DLGAP1: variants seen among roughly 807,000 people sequenced by gnomAD.
DLGAP1 encodes DLG associated protein 1, also known as disks large-associated protein 1.
In DLGAP1, 11 loss-of-function variants were observed where a neutral mutation model predicts 90.8. The ratio of observed to expected loss-of-function variants is 0.12; its 90% CI spans 0.08 to 0.20. The LOEUF (loss-of-function observed/expected upper bound fraction) is 0.20. DLGAP1 is among the 10% of genes least tolerant of loss of function. DLGAP1 has a pLI of 1.00. For missense variants in DLGAP1, 1,050 were observed against 1,333.8 expected (o/e 0.79, Z 3.31); for synonymous variants, 558 against 540.7 (o/e 1.03, Z -0.44).
intron 1 of DLGAP1, among the ~76,000 whole-genome samples, chr18:4,200,898 G>A (rs781742932): frequency 1.1e-4 from 16 of 152,060 alleles, no homozygotes; most frequent in South Asian, 2.1e-4. Flanking sequence ...TATTTCAGAG[G>A]TGGGAAATAT....
chr18:4,154,926 TAAACAG>T (rs2076731452), intron 1 of DLGAP1, among the ~76,000 whole-genome samples: 1 of 151,960 alleles, frequency 6.6e-6, no homozygotes, highest in African/African-American at 2.4e-5. Context: ...TGAAGACAAA[TAAACAG>T]AAAGTAAATA....
chr18:4,054,710 T>C (rs1161337758), intron 2 of DLGAP1, among the ~76,000 whole-genome samples: 1 of 152,194 alleles, frequency 6.6e-6, no homozygotes, highest in African/African-American at 2.4e-5. Flanking sequence ...CTAATCTAAA[T>C]TGAGATTGTT....
chr18:4,316,794 T>G (rs2080539395), intron 1 of DLGAP1, among the ~76,000 whole-genome samples: 1 of 152,192 alleles, frequency 6.6e-6, no homozygotes, highest in Non-Finnish European at 1.5e-5. Flanking sequence ...TCTTCCTGAG[T>G]CCGGTTACTG....
intron 6 of DLGAP1, among the ~76,000 whole-genome samples, chr18:3,741,057 ATCACCACCACCACCAC>A (rs2062926064): frequency 9.4e-6 from 1 of 106,008 alleles, no homozygotes; most frequent in Non-Finnish European, 1.9e-5. Flanking sequence ...CACCACCACC[ATCACCACCACCACCAC>A]CACCACCATC....
chr18:3,617,865 T>A (rs754610557), intron 7 of DLGAP1, among the ~76,000 whole-genome samples: 1 of 151,594 alleles, frequency 6.6e-6, no homozygotes, highest in South Asian at 2.1e-4. Context: ...TGAAACCCCA[T>A]CACTACTAAA....
chr18:3,806,221 A>G (rs1365623066), intron 5 of DLGAP1, among the ~76,000 whole-genome samples: 1 of 152,222 alleles, frequency 6.6e-6, no homozygotes, highest in African/African-American at 2.4e-5. Flanking sequence ...TAAACAAAAC[A>G]AAACAAAAAC....
chr18:3,531,535 T>C (rs1284776848), intron 10 of DLGAP1, among the ~76,000 whole-genome samples: 1 of 152,128 alleles, frequency 6.6e-6, no homozygotes, highest in East Asian at 1.9e-4. Context: ...CAGGCTGGAG[T>C]GCAGTAGCTG....
intron 7 of DLGAP1, among the ~76,000 whole-genome samples, chr18:3,698,997 C>T (rs2061188041): frequency 6.6e-6 from 1 of 151,992 alleles, no homozygotes; most frequent in African/African-American, 2.4e-5. Context: ...TACATCAGGT[C>T]ATTTATGTTC....
At chr18:4,301,107 A>C (rs969530238) in intron 1 of DLGAP1, among the ~76,000 whole-genome samples, 1 of 152,216 alleles carries the variant, frequency 6.6e-6, no homozygotes, top group African/African-American at 2.4e-5. Context: ...CTATCAACTC[A>C]AATTCTTATC....
intron 1 of DLGAP1, among the ~76,000 whole-genome samples, chr18:4,198,041 G>A (rs1414015277): frequency 1.3e-5 from 2 of 151,962 alleles, no homozygotes; most frequent in African/African-American, 4.8e-5. Context: ...CTAACCCAGT[G>A]AAACCCCGTC....
intron 1 of DLGAP1, among the ~76,000 whole-genome samples, chr18:4,191,312 A>C (rs2144733348): frequency 6.6e-6 from 1 of 152,296 alleles, no homozygotes; most frequent in Non-Finnish European, 1.5e-5. Flanking sequence ...AGTAATTCAT[A>C]CCAAAGACTT....
At chr18:4,138,895 A>G (rs1310777162) in intron 2 of DLGAP1, among the ~76,000 whole-genome samples, 2 of 151,978 alleles carry the variant, frequency 1.3e-5, no homozygotes, top group East Asian at 1.9e-4. Flanking sequence ...AAATGTATCC[A>G]TGTCTTCTAG....
chr18:3,639,841 G>GC (rs1194341776), intron 7 of DLGAP1, among the ~76,000 whole-genome samples: 1 of 132,680 alleles, frequency 7.5e-6, no homozygotes, highest in African/African-American at 3.0e-5. Context: ...TGCAAGCTCC[G>GC]CCTCCTGGGT....
rs1009124485 is a variant in DLGAP1, at chr18:3,666,947, G to A, written c.1591+62188C>T. Among the ~76,000 whole-genome samples the A allele has an allele frequency of 3.9e-5, 6 of 151,938 alleles. No homozygotes were observed. The East Asian group carries it at 1.2e-3, about 29-fold the overall frequency. On this transcript the variant is annotated intron_variant, in intron 7 of 12. Transcript: ENST00000315677. ...AATTTTCTTATTTTTAAATTTTTTT[G>A]TTTTGTTTTAGAGATGAGGTCTCAC...
Position 4,061,561 on chromosome 18 carries a change from T to A in DLGAP1, c.-158-56360A>T, listed in dbSNP as rs376586071. On this transcript the variant is annotated intron_variant, in intron 2 of 12. Transcript: ENST00000315677. Reference sequence around the variant, plus strand: ...TAAAAATCTTATCTTATGGTCAAACTGACTAAGATTAGATACATTTGTCTA... The same window carrying A: ...TAAAAATCTTATCTTATGGTCAAACAGACTAAGATTAGATACATTTGTCTA... Among the ~76,000 whole-genome samples, 8 of 152,330 alleles carry A rather than the reference T, an allele frequency of 5.3e-5. 1 individual carries two copies. Among genetic ancestry groups the A allele is most frequent in the African/African-American group, 1.9e-4 (8 of 41,586 alleles).
chr18:4,095,301 C>T (rs556540671), intron 2 of DLGAP1, among the ~76,000 whole-genome samples: 1 of 152,246 alleles, frequency 6.6e-6, no homozygotes, highest in South Asian at 2.1e-4. Context: ...TGGCCACCTT[C>T]CCCAATCAGG....
intron 1 of DLGAP1, among the ~76,000 whole-genome samples, chr18:4,306,355 A>C (rs2080258585): frequency 6.6e-6 from 1 of 151,928 alleles, no homozygotes; most frequent in Non-Finnish European, 1.5e-5. Context: ...AAACTATCAT[A>C]CTGCCGTCCC....
At chr18:3,905,366 CA>C (rs71160924) in intron 3 of DLGAP1, among the ~76,000 whole-genome samples, 3,384 of 19,318 alleles carry the variant, frequency 0.18, 13 homozygotes, top group South Asian at 0.29. Flanking sequence ...GACTCCATCT[CA>C]AAAAAAAAAA....
chr18:3,635,279 C>T (rs1787810), intron 7 of DLGAP1, among the ~76,000 whole-genome samples: 1,799 of 152,116 alleles, frequency 0.012, 24 homozygotes, highest in African/African-American at 0.038. Flanking sequence ...TACAGGCGCC[C>T]GCCACCACGC....
Sources: allele counts gnomAD v4.1 joint callset (sites outside exome capture counted in the v4.1 genomes callset), GRCh38; gene constraint gnomAD v4.1.1; transcripts MANE v1.5; gene names NCBI Gene and HGNC (gene_info 2026-07-23, HGNC 2026-07-21).